ZFAND4: variants seen among roughly 807,000 people sequenced by gnomAD.
ZFAND4 encodes the protein AN1-type zinc finger protein 4.
A neutral mutation model predicts 64.4 loss-of-function variants in ZFAND4; 43 were observed. That is an observed-to-expected ratio of 0.67 (90% CI 0.52 to 0.86). ZFAND4 has a LOEUF of 0.86. Among genes scored for constraint, ZFAND4 ranks in the 40% least tolerant of loss-of-function variants. The pLI is 0.00. For missense variants in ZFAND4, 929 were observed against 859.8 expected (o/e 1.08, Z -1.01); for synonymous variants, 296 against 305.7 (o/e 0.97, Z 0.33).
At chr10:45,627,129 T>C in intron 6 of ZFAND4, 24 bp from the exon 7 acceptor site, 1 of 1,507,662 alleles carries the variant, frequency 6.6e-7, no homozygotes, top group Middle Eastern at 1.8e-4. Context: ...ATATACAGTT[T>C]CTTTACACAG....
chr10:45,620,478 C>T (rs1209430148), intron 8 of ZFAND4, among the ~76,000 whole-genome samples: 1 of 151,864 alleles, frequency 6.6e-6, no homozygotes, highest in African/African-American at 2.4e-5. Context: ...GGGCGAGACT[C>T]TGTCTAAAAA....
Position 45,627,013 on chromosome 10 carries a change from C to T in ZFAND4, c.810G>A (p.Arg270=). 2 of 1,610,516 alleles carry T rather than the reference C, an allele frequency of 1.2e-6. No individual in the cohort carries two copies. The highest frequency in any genetic ancestry group is 1.1e-5 in the South Asian group (1 of 90,622). Residue 270 remains arginine, a synonymous_variant, in exon 7 of 10, where the codon AGG becomes AGA. Transcript: ENST00000344646. ...STAPSRHRLL[R]VLPNIGQSCS... ...AAGATTGACCAATGTTGGGGAGGAC[C>T]CTTAACAATCGGTGGCGAGATGGTG...
intron 2 of ZFAND4, among the ~76,000 whole-genome samples, chr10:45,658,549 A>G (rs1486297145): frequency 2.0e-5 from 3 of 152,264 alleles, no homozygotes; most frequent in Admixed American, 1.3e-4. Context: ...ATAGTTTGTT[A>G]GAATTTGGAG....
chr10:45,639,926 C>A lies in ZFAND4; in HGVS notation c.607G>T (p.Glu203Ter). Residue 203 changes from glutamate (E) to a stop codon, truncating the protein, a stop_gained, in exon 6 of 10, where the codon GAA becomes TAA. Coordinates refer to ENST00000344646, the MANE Select transcript of ZFAND4 (RefSeq NM_174890.4). LOFTEE classifies it high-confidence loss of function. Reference protein sequence around the residue: ...SMYNSDTDEDEETEPSSSGQQ... With the variant: ...SMYNSDTDED ...CCAGAAGAAGAAGGCTCAGTTTCTT[C>A]ATCCTCATCTGTATCTGAATTATAC... The A allele has an allele frequency of 6.2e-7, 1 of 1,613,130 alleles. No homozygotes were observed. The highest frequency in any genetic ancestry group is 8.5e-7 in the Non-Finnish European group (1 of 1,179,858).
At chr10:45,642,194 T>C (rs1194649757) in intron 5 of ZFAND4, among the ~76,000 whole-genome samples, 1 of 152,216 alleles carries the variant, frequency 6.6e-6, no homozygotes, top group African/African-American at 2.4e-5. Flanking sequence ...GCATTTTAAG[T>C]ATCTTTACTG....
chr10:45,645,154 T>C (rs1174271698), intron 5 of ZFAND4, among the ~76,000 whole-genome samples: 1 of 151,988 alleles, frequency 6.6e-6, no homozygotes, highest in African/African-American at 2.4e-5. Flanking sequence ...GCTAATTTTT[T>C]TCCAGATGGA....
Position 45,632,124 on chromosome 10 carries a change from G to C in ZFAND4, c.718-5019C>G, listed in dbSNP as rs188144612. 1.1e-4 allele frequency among the ~76,000 whole-genome samples: 17 copies of C among 152,328 alleles called. No individual in the cohort carries two copies. In the East Asian group the frequency reaches 3.3e-3, roughly 29 times the overall value. On this transcript the variant is annotated intron_variant, in intron 6 of 9. Transcript: ENST00000344646. ...AATCCCAGCACTTTGGGAGGCCAAG[G>C]TGGGTGGATCACAAGGTCAGGAGTT...
At chr10:45,654,469 A>C (rs910834402) in intron 2 of ZFAND4, among the ~76,000 whole-genome samples, 1 of 152,040 alleles carries the variant, frequency 6.6e-6, no homozygotes, top group East Asian at 1.9e-4. Flanking sequence ...AAATACAAAA[A>C]TTAGCCAGGC....
rs539762909 is a variant in ZFAND4, at chr10:45,626,597, G to A, written c.1226C>T (p.Ala409Val). 6.2e-7 allele frequency: 1 copy of A among 1,614,194 alleles called. No individual in the cohort carries two copies. The highest frequency in any genetic ancestry group is 8.5e-7 in the Non-Finnish European group (1 of 1,180,044). The change falls in exon 7 of 10, where the codon GCT (alanine) becomes GTT (valine). Residue 409 changes from alanine to valine, a missense_variant. Transcript: ENST00000344646. ...GSLASFAEGN[A>V]DEQSSGLEGA... Reference sequence around the variant, plus strand: ...TTCTAAGCCGCTGCTCTGTTCATCAGCATTTCCTTCTGCAAATGAAGCCAG... The same window carrying A: ...TTCTAAGCCGCTGCTCTGTTCATCAACATTTCCTTCTGCAAATGAAGCCAG...
intron 6 of ZFAND4, 99 bp downstream of exon 6, chr10:45,639,717 A>G: frequency 7.1e-7 from 1 of 1,406,510 alleles, no homozygotes; most frequent in Non-Finnish European, 9.4e-7. Context: ...GAAATGAATA[A>G]TACTTTATAA....
chr10:45,669,201 C>T (rs1589457619), intron 1 of ZFAND4, among the ~76,000 whole-genome samples: 1 of 152,224 alleles, frequency 6.6e-6, no homozygotes, highest in East Asian at 1.9e-4. Flanking sequence ...AAGGGGATAT[C>T]ACCAGCGATC....
At chr10:45,671,821 T>TA (rs199848014) in intron 1 of ZFAND4, among the ~76,000 whole-genome samples, 1,885 of 141,296 alleles carry the variant, frequency 0.013, 23 homozygotes, top group African/African-American at 0.03. Context: ...CCCTAGAACT[T>TA]AAAAAAAAAA....
chr10:45,660,209 G>A (rs1181686044), intron 2 of ZFAND4, among the ~76,000 whole-genome samples: 1 of 150,714 alleles, frequency 6.6e-6, no homozygotes, highest in Non-Finnish European at 1.5e-5. Context: ...TCCTAGGCAA[G>A]GCACAGTGGT....
At chr10:45,655,114 CT>C (rs556183529) in intron 2 of ZFAND4, among the ~76,000 whole-genome samples, 280 of 152,250 alleles carry the variant, frequency 1.8e-3, no homozygotes, top group African/African-American at 6.2e-3. Flanking sequence ...ACAAAAAAGT[CT>C]CAAAAATTTT....
intron 2 of ZFAND4, among the ~76,000 whole-genome samples, chr10:45,653,782 A>G (rs1055245552): frequency 1.3e-5 from 2 of 152,222 alleles, no homozygotes; most frequent in African/African-American, 4.8e-5. Context: ...AGTTTAAAAC[A>G]GAACGACCAT....
rs561904113 is a variant in ZFAND4, at chr10:45,672,242, G to A, written c.-118+8C>T. 3.9e-5 allele frequency: 6 copies of A among 152,392 alleles called. No individual in the cohort carries two copies. The highest frequency in any genetic ancestry group is 1.4e-4 in the African/African-American group (6 of 41,548). 9.4% of individuals were successfully genotyped at this position (152,392 alleles called of 1,614,324 possible). A position where few individuals can be genotyped will look rare whatever the true frequency, so the allele number is the denominator to read the frequency against. On this transcript the variant is annotated splice_region_variant and intron_variant, in intron 1 of 9. Transcript: ENST00000344646. ...GCCAGCATCTCCTCGCGCCATCCAG[G>A]TACCTACACACTTGAGGCCACCGAG...
At position 45,672,533 on chromosome 10, in the gene ZFAND4, A is replaced by T. The variant is rs1218442558; in HGVS notation, c.-401T>A. 6.6e-6 allele frequency: 1 copy of T among 152,102 alleles called. No homozygotes were observed. Among genetic ancestry groups the T allele is most frequent in the Non-Finnish European group, 1.5e-5 (1 of 68,048 alleles). 9.4% of individuals were successfully genotyped at this position (152,102 alleles called of 1,614,324 possible). On this transcript the variant is annotated 5_prime_UTR_variant, in exon 1 of 10. It removes the in-frame stop codon of an upstream open reading frame in the 5' UTR. Coordinates refer to ENST00000344646, the MANE Select transcript of ZFAND4 (RefSeq NM_174890.4). ...AGGCGAGGGGCGGGGACAGGACTCT[A>T]CCCGGCAGCCCAGCGCCGAGCGCCC...
intron 5 of ZFAND4, among the ~76,000 whole-genome samples, chr10:45,640,778 C>A (rs1335354072): frequency 6.6e-6 from 1 of 152,186 alleles, no homozygotes. Flanking sequence ...GTGTGAGCCA[C>A]CGCGCCCAGC....
chr10:45,661,586 A>G (rs1467063171), intron 2 of ZFAND4, among the ~76,000 whole-genome samples: 3 of 152,088 alleles, frequency 2.0e-5, no homozygotes, highest in Non-Finnish European at 2.9e-5. Flanking sequence ...TCTGACTCAC[A>G]CCATGTGACC....
Sources: gnomAD v4.1 joint callset for allele counts (sites outside exome capture counted in the v4.1 genomes callset) on GRCh38, gnomAD v4.1.1 for gene constraint, MANE v1.5 for transcripts, NCBI Gene and HGNC (gene_info 2026-07-23, HGNC 2026-07-21) for gene names.